PPP4R1: variants seen among roughly 807,000 people sequenced by gnomAD.
The protein encoded by PPP4R1 is serine/threonine-protein phosphatase 4 regulatory subunit 1.
In PPP4R1, 42 loss-of-function variants were observed where a neutral mutation model predicts 111.2. That is an observed-to-expected ratio of 0.38 (90% CI 0.29 to 0.49). PPP4R1 has a LOEUF of 0.49. PPP4R1 is among the 20% of genes least tolerant of loss of function. PPP4R1 has a pLI of 0.97. For synonymous variants in PPP4R1, 409 were observed against 405.5 expected, an observed-to-expected ratio of 1.01 and a Z score of -0.10; for missense variants, 1,012 against 1,161.6, an observed-to-expected ratio of 0.87 and a Z score of 1.87.
chr18:9,582,542 T>C (rs1049045227), intron 9 of PPP4R1, among the ~76,000 whole-genome samples: 2 of 152,018 alleles, frequency 1.3e-5, no homozygotes, highest in African/African-American at 2.4e-5. Flanking sequence ...TTTACAACTA[T>C]CTACAAAGAA....
intron 15 of PPP4R1, among the ~76,000 whole-genome samples, chr18:9,555,916 C>A (rs370523840): frequency 7.3e-5 from 11 of 151,568 alleles, no homozygotes; most frequent in Non-Finnish European, 1.0e-4. Context: ...GTGGGCGGAT[C>A]ACAAGATCAG....
At chr18:9,556,986 A>G (rs1042486258) in intron 15 of PPP4R1, 1 of 333,342 alleles carries the variant, frequency 3.0e-6, no homozygotes, top group African/African-American at 2.2e-5. Context: ...TTCACTCAAT[A>G]ATTTTGAAAA....
At chr18:9,593,970 C>T in intron 3 of PPP4R1, 96 bp from the exon 4 acceptor site, 1 of 931,112 alleles carries the variant, frequency 1.1e-6, no homozygotes, top group Non-Finnish European at 1.7e-6. Context: ...TCCTGTTGCC[C>T]AGGCCGGAGT....
At chr18:9,612,689 TC>T (rs1437292482) in intron 2 of PPP4R1, 2 of 152,162 alleles carry the variant, frequency 1.3e-5, no homozygotes, top group African/African-American at 2.4e-5. Flanking sequence ...ATTTCTCCAA[TC>T]CTAACCTGGC....
chr18:9,614,207 G>A lies in PPP4R1; in HGVS notation c.52+19C>T. The A allele has an allele frequency of 2.2e-6, 3 of 1,352,504 alleles. No individual in the cohort carries two copies. Among genetic ancestry groups the A allele is most frequent in the South Asian group, 3.3e-5 (2 of 59,900 alleles). The allele number at this position is 1,352,504 out of a possible 1,614,324, so 83.8% of individuals were successfully genotyped here. A position where few individuals can be genotyped will look rare whatever the true frequency, so the allele number is the denominator to read the frequency against. ...GCTCCCCGCGGACTGCCAGGCCACC[G>A]CGAGGCCGGGCCACTCACATCCGTC... is the stretch of plus-strand genomic sequence containing the variant. On this transcript the variant is annotated intron_variant, in intron 2 of 19. Coordinates refer to ENST00000400556, the MANE Select transcript of PPP4R1 (RefSeq NM_001042388.3). The surrounding 1 kb of genome is among the most constrained non-coding windows in gnomAD (Gnocchi z 4.1).
intron 15 of PPP4R1, 124 bp from the exon 16 acceptor site, chr18:9,553,546 G>C: frequency 1.6e-6 from 1 of 632,162 alleles, no homozygotes; most frequent in South Asian, 2.0e-5. Flanking sequence ...TGTAGTAGCT[G>C]TATTTAAGTG....
chr18:9,614,608 G>C (rs1343974853), upstream of PPP4R1: 1 of 525,638 alleles, frequency 1.9e-6, no homozygotes, highest in African/African-American at 2.1e-5. The surrounding 1 kb of genome is among the most constrained non-coding windows in gnomAD (Gnocchi z 4.1). Context: ...GGGCTGGCGG[G>C]GGCGCGCGCG....
At chr18:9,560,602 T>C (rs1008194985) in intron 13 of PPP4R1, among the ~76,000 whole-genome samples, 1 of 152,150 alleles carries the variant, frequency 6.6e-6, no homozygotes, top group South Asian at 2.1e-4. Context: ...AATAAACTCA[T>C]TAAAATGAGA....
chr18:9,597,368 C>A (rs186722929), intron 2 of PPP4R1, among the ~76,000 whole-genome samples: 1 of 152,162 alleles, frequency 6.6e-6, no homozygotes, highest in Non-Finnish European at 1.5e-5. Context: ...GAGGCCAAGG[C>A]AGCTAGAATT....
intron 4 of PPP4R1, among the ~76,000 whole-genome samples, chr18:9,590,797 G>C (rs1472092164): frequency 2.0e-5 from 3 of 151,958 alleles, no homozygotes; most frequent in African/African-American, 7.3e-5. Context: ...GCTTCTCTGT[G>C]TTAGAGAATA....
At chr18:9,588,874 T>C (rs1233498176) in intron 4 of PPP4R1, 21 bp from the exon 5 acceptor site, 1 of 1,609,492 alleles carries the variant, frequency 6.2e-7, no homozygotes, top group South Asian at 1.1e-5. Flanking sequence ...AACGGCAATG[T>C]GAGCAAACAT....
chr18:9,549,844 T>C, intron 18 of PPP4R1: 1 of 667,712 alleles, frequency 1.5e-6, no homozygotes, highest in Non-Finnish European at 2.5e-6. Flanking sequence ...GTGTGGTGCA[T>C]GCCAGTGTAA....
chr18:9,593,306 CTTTCTTAA>C (rs1279695769), intron 4 of PPP4R1, among the ~76,000 whole-genome samples: 1 of 152,090 alleles, frequency 6.6e-6, no homozygotes, highest in African/African-American at 2.4e-5. Flanking sequence ...AAGTTTACCT[CTTTCTTAA>C]GCAGACTTTC....
chr18:9,576,580 C>T (rs760471039), intron 10 of PPP4R1, among the ~76,000 whole-genome samples: 14 of 152,036 alleles, frequency 9.2e-5, no homozygotes, highest in Non-Finnish European at 2.1e-4. Flanking sequence ...TGACAGATTA[C>T]AATCACCATT....
chr18:9,572,019 G>T (rs1251916887), intron 10 of PPP4R1, among the ~76,000 whole-genome samples: 1 of 152,216 alleles, frequency 6.6e-6, no homozygotes, highest in Non-Finnish European at 1.5e-5. Context: ...GTGTCTCCAG[G>T]ACTACAGAAG....
chr18:9,570,979 A>G (rs999370112), intron 10 of PPP4R1, among the ~76,000 whole-genome samples: 2 of 152,216 alleles, frequency 1.3e-5, no homozygotes, highest in African/African-American at 4.8e-5. Context: ...GCTAATTTCA[A>G]TAATAAATAA....
intron 4 of PPP4R1, among the ~76,000 whole-genome samples, chr18:9,589,512 T>C (rs2067175617): frequency 6.6e-6 from 1 of 152,162 alleles, no homozygotes; most frequent in South Asian, 2.1e-4. Flanking sequence ...CTGCACATCA[T>C]AAAGATCAAA....
intron 4 of PPP4R1, among the ~76,000 whole-genome samples, chr18:9,591,959 C>T (rs538596535): frequency 7.2e-5 from 11 of 152,206 alleles, no homozygotes; most frequent in African/African-American, 2.4e-4. Flanking sequence ...CCCAGTTATT[C>T]GAGAGGCTGA....
intron 19 of PPP4R1, 101 bp downstream of exon 19, chr18:9,549,096 T>C: frequency 2.1e-6 from 3 of 1,402,158 alleles, no homozygotes; most frequent in Non-Finnish European, 3.0e-6. Context: ...GATTATTTTC[T>C]CTGAGCAGAC....
Sources: allele counts gnomAD v4.1 joint callset (sites outside exome capture counted in the v4.1 genomes callset), GRCh38; gene constraint gnomAD v4.1.1; non-coding constraint Gnocchi (gnomAD v3.1); transcripts MANE v1.5; gene names NCBI Gene and HGNC (gene_info 2026-07-23, HGNC 2026-07-21).